The following HNF4G variants were observed in gnomAD, a reference collection of about 807,000 sequenced individuals.
The protein encoded by HNF4G is hepatocyte nuclear factor 4 gamma.
A neutral mutation model predicts 50.9 loss-of-function variants in HNF4G; 21 were observed. The observed-to-expected ratio is 0.41, with a 90% confidence interval of 0.29 to 0.59. HNF4G has a LOEUF of 0.59. Among genes scored for constraint, HNF4G ranks in the 20% least tolerant of loss-of-function variants. The pLI is 0.26. For synonymous variants in HNF4G, 198 were observed against 185.6 expected (o/e 1.07, Z -0.54); for missense variants, 527 against 559.4 (o/e 0.94, Z 0.58).
chr8:75,513,693 G>A (rs780903404), intron 2 of HNF4G, among the ~76,000 whole-genome samples: 4 of 151,714 alleles, frequency 2.6e-5, no homozygotes, highest in Non-Finnish European at 5.9e-5. Context: ...AATTGTACTT[G>A]AGACTAAATT....
intron 2 of HNF4G, among the ~76,000 whole-genome samples, chr8:75,533,679 A>G (rs769198832): frequency 1.3e-5 from 2 of 151,950 alleles, no homozygotes; most frequent in African/African-American, 4.8e-5. Flanking sequence ...AAATACATTT[A>G]TCAAAAAGGA....
rs549208382 is a variant in HNF4G, at chr8:75,565,831, T to A, written c.*1735T>A. The A allele has an allele frequency of 2.6e-5, 4 of 152,304 alleles. No individual in the cohort carries two copies. The highest frequency in any genetic ancestry group is 4.1e-4 in the South Asian group (2 of 4,820). 9.4% of individuals were successfully genotyped at this position (152,304 alleles called of 1,614,324 possible). A position where few individuals can be genotyped will look rare whatever the true frequency, so the allele number is the denominator to read the frequency against. On this transcript the variant is annotated 3_prime_UTR_variant, in exon 10 of 10. Coordinates refer to ENST00000396423, the MANE Select transcript of HNF4G (RefSeq NM_004133.5). Reference sequence around the variant, plus strand: ...AAAATTGAACTTATTAAAAGCTATCTATGATTTAATAGATTTAATAAAATT... The same window carrying A: ...AAAATTGAACTTATTAAAAGCTATCAATGATTTAATAGATTTAATAAAATT...
intron 1 of HNF4G, among the ~76,000 whole-genome samples, chr8:75,476,185 A>G (rs1168438118): frequency 6.6e-6 from 1 of 151,712 alleles, no homozygotes; most frequent in Non-Finnish European, 1.5e-5. Context: ...AAAAGTTAGA[A>G]CATGTGGTAT....
intron 2 of HNF4G, among the ~76,000 whole-genome samples, chr8:75,495,004 G>A (rs1812731771): frequency 1.3e-5 from 2 of 152,094 alleles, no homozygotes; most frequent in South Asian, 4.1e-4. Flanking sequence ...AGTGATGCCA[G>A]TAGTACACTG....
chr8:75,455,078 A>T (rs554312663), intron 1 of HNF4G, among the ~76,000 whole-genome samples: 20 of 152,290 alleles, frequency 1.3e-4, no homozygotes, highest in African/African-American at 4.8e-4. Context: ...TAATACATTC[A>T]TTAAATGTAT....
intron 1 of HNF4G, among the ~76,000 whole-genome samples, chr8:75,408,777 A>T (rs573625808): frequency 3.2e-4 from 49 of 152,212 alleles, no homozygotes; most frequent in Non-Finnish European, 4.4e-4. Context: ...CAAGCAAAAC[A>T]ATCAGCATGA....
chr8:75,413,389 A>G lies in HNF4G; in HGVS notation c.-144+5227A>G, dbSNP rs141632238. On this transcript the variant is annotated intron_variant, in intron 1 of 10. Transcript: ENST00000354370. ...AGAACTACGATAGTGGCCAGTGGCA[A>G]TGAAGGTGAGAAGACATTAGAATCT... Among the ~76,000 whole-genome samples, 1,359 of 139,834 alleles carry G rather than the reference A, an allele frequency of 9.7e-3. 53 individuals are homozygous for G. In the East Asian group the frequency reaches 0.12, roughly 13 times the overall value. 91.7% of individuals were successfully genotyped at this position (139,834 alleles called of 152,430 possible). A position where few individuals can be genotyped will look rare whatever the true frequency, so the allele number is the denominator to read the frequency against.
chr8:75,487,241 C>T (rs1230846367), intron 1 of HNF4G, among the ~76,000 whole-genome samples: 1 of 135,864 alleles, frequency 7.4e-6, no homozygotes, highest in Non-Finnish European at 1.6e-5. Context: ...TGTAGATCAG[C>T]GATTCTTATA....
intron 1 of HNF4G, among the ~76,000 whole-genome samples, chr8:75,417,648 T>C (rs1810673636): frequency 1.3e-5 from 2 of 152,236 alleles, no homozygotes; most frequent in South Asian, 4.1e-4. Context: ...TTGTGTTCTA[T>C]CAATTATTTA....
chr8:75,558,929 C>T lies in HNF4G; in HGVS notation c.1015C>T (p.Leu339=), dbSNP rs1427714298. Residue 339 remains leucine, a synonymous_variant, in exon 8 of 10, where the codon CTG becomes TTG. Transcript: ENST00000396423. ...GAGGTTTGGAGAGTTGCTTCTGCTC[C>T]TGCCCACACTGCAGAGCATCACGTG... ...RGRFGELLLL[L]PTLQSITWQM... The T allele has an allele frequency of 6.2e-7, 1 of 1,613,888 alleles. No individual in the cohort carries two copies. The highest frequency in any genetic ancestry group is 8.5e-7 in the Non-Finnish European group (1 of 1,179,804).
intron 2 of HNF4G, among the ~76,000 whole-genome samples, chr8:75,518,631 GA>G (rs1471009362): frequency 6.6e-6 from 1 of 152,144 alleles, no homozygotes; most frequent in Non-Finnish European, 1.5e-5. Flanking sequence ...TGCACACTCT[GA>G]GTCAATGGCC....
At chr8:75,465,550 G>A (rs1379638108) in intron 1 of HNF4G, among the ~76,000 whole-genome samples, 1 of 151,810 alleles carries the variant, frequency 6.6e-6, no homozygotes, top group Non-Finnish European at 1.5e-5. Flanking sequence ...AGAGACTAAA[G>A]GTATCATAAG....
chr8:75,522,232 A>G (rs1806064259), intron 2 of HNF4G, among the ~76,000 whole-genome samples: 1 of 152,184 alleles, frequency 6.6e-6, no homozygotes. Context: ...TTATATGCCT[A>G]TTACTGTCTG....
At chr8:75,507,112 A>T (rs796590364) in intron 2 of HNF4G, among the ~76,000 whole-genome samples, 18 of 152,358 alleles carry the variant, frequency 1.2e-4, no homozygotes, top group African/African-American at 4.1e-4. Flanking sequence ...CATTTTGTGT[A>T]AACATATAGA....
At chr8:75,528,803 T>C (rs1806247860) in intron 2 of HNF4G, among the ~76,000 whole-genome samples, 1 of 152,186 alleles carries the variant, frequency 6.6e-6, no homozygotes, top group Admixed American at 6.5e-5. Flanking sequence ...TTTTCTTATG[T>C]ATTAGTCTGT....
chr8:75,527,912 T>C (rs140179415), intron 2 of HNF4G, among the ~76,000 whole-genome samples: 70 of 152,366 alleles, frequency 4.6e-4, no homozygotes, highest in African/African-American at 1.7e-3. Context: ...CTTCTTGAGC[T>C]CTCTGTTATT....
chr8:75,510,417 C>T (rs1017404617), intron 2 of HNF4G, among the ~76,000 whole-genome samples: 1 of 152,156 alleles, frequency 6.6e-6, no homozygotes, highest in African/African-American at 2.4e-5. Context: ...AATAGTGTAT[C>T]GTAATGCATT....
upstream of HNF4G, among the ~76,000 whole-genome samples, chr8:75,536,600 T>TA (rs200045155): frequency 9.7e-4 from 147 of 151,868 alleles, no homozygotes; most frequent in South Asian, 4.8e-3. Context: ...TGAATATATA[T>TA]AAAAAAAACC....
At chr8:75,471,752 A>C (rs1439789488) in intron 1 of HNF4G, among the ~76,000 whole-genome samples, 1 of 152,146 alleles carries the variant, frequency 6.6e-6, no homozygotes, top group East Asian at 1.9e-4. Flanking sequence ...CAGTTCTCTG[A>C]ACCTTGGTTT....
Sources: gnomAD v4.1 joint callset for allele counts (sites outside exome capture counted in the v4.1 genomes callset) on GRCh38, gnomAD v4.1.1 for gene constraint, MANE v1.5 for transcripts, NCBI Gene and HGNC (gene_info 2026-07-23, HGNC 2026-07-21) for gene names.